Variants in DGCR8 observed in about 807,000 individuals in gnomAD.
DGCR8 encodes microprocessor complex subunit DGCR8.
DGCR8 carries 14 observed loss-of-function variants against 78.5 expected under a neutral mutation model. The observed-to-expected ratio is 0.18, with a 90% CI of 0.12 to 0.28. The LOEUF is 0.28. DGCR8 is among the 10% of genes least tolerant of loss of function. DGCR8 has a pLI of 1.00. For synonymous variants in DGCR8, 399 were observed against 402.4 expected (o/e 0.99, Z 0.10); for missense variants, 702 against 1,022.5 (o/e 0.69, Z 4.28).
intron 9 of DGCR8, among the ~76,000 whole-genome samples, chr22:20,098,558 C>A (rs1212057401): frequency 6.6e-6 from 1 of 152,124 alleles, no homozygotes; most frequent in African/African-American, 2.4e-5. Context: ...GTCATATGTC[C>A]TTGCTCTCTA....
In DGCR8 at chr22:20,086,326, C is replaced by T. The variant is rs755427841; in HGVS notation, c.363C>T (p.Ser121=). ...AGTTGCTTAAGGATGTAAAGATTAG[C>T]GTGAGCTTTACCGAGAGCTGCAGGA... ...DLKLLKDVKI[S]VSFTESCRSK... Residue 121 remains serine (S), a synonymous_variant, in exon 2 of 14, where the codon AGC becomes AGT. Transcript: ENST00000351989. This position sits in a 1 kb window ranked among gnomAD's most constrained non-coding sequence, Gnocchi z 6.4. The T allele has an allele frequency of 5.0e-6, 8 of 1,614,090 alleles. No individual in the cohort carries two copies. Among genetic ancestry groups the T allele is most frequent in the Non-Finnish European group, 6.8e-6 (8 of 1,180,020 alleles).
At chr22:20,103,724 G>A (rs1236564092) in intron 9 of DGCR8, among the ~76,000 whole-genome samples, 1 of 152,072 alleles carries the variant, frequency 6.6e-6, no homozygotes, top group Non-Finnish European at 1.5e-5. Flanking sequence ...ATATAGGATT[G>A]GTATCATTTC....
intron 13 of DGCR8, 50 bp from the exon 14 acceptor site, chr22:20,109,975 C>T: frequency 6.3e-7 from 1 of 1,585,824 alleles, no homozygotes; most frequent in East Asian, 2.2e-5. Context: ...CTTCCCGAGC[C>T]TCTGCCAAGC....
At chr22:20,094,926 C>A in intron 9 of DGCR8, 131 bp downstream of exon 9, 1 of 689,126 alleles carries the variant, frequency 1.5e-6, no homozygotes, top group Non-Finnish European at 2.5e-6. Flanking sequence ...TCTCATCCAG[C>A]CTCCAGGTTC....
At chr22:20,104,414 G>A (rs938621431) in intron 9 of DGCR8, among the ~76,000 whole-genome samples, 20 of 152,088 alleles carry the variant, frequency 1.3e-4, no homozygotes, top group Admixed American at 3.9e-4. Flanking sequence ...TGATCCACCC[G>A]CCTCGGCCTC....
chr22:20,099,795 G>A (rs1251193820), intron 9 of DGCR8, among the ~76,000 whole-genome samples: 3 of 152,176 alleles, frequency 2.0e-5, no homozygotes, highest in Non-Finnish European at 2.9e-5. Context: ...TTGTGGACTG[G>A]TGCTGTTATA....
At chr22:20,094,681 A>G in intron 8 of DGCR8, 32 bp from the exon 9 acceptor site, 1 of 1,595,964 alleles carries the variant, frequency 6.3e-7, no homozygotes, top group South Asian at 1.1e-5. Context: ...GGCAGTGCCC[A>G]AGCCTCACCC....
Position 20,087,878 on chromosome 22 carries a change from G to A in DGCR8, c.880+557G>A, listed in dbSNP as rs1168783061. On this transcript the variant is annotated intron_variant, in intron 3 of 13. Coordinates refer to ENST00000351989, the MANE Select transcript of DGCR8 (RefSeq NM_022720.7). This position sits in a 1 kb window ranked among gnomAD's most constrained non-coding sequence, Gnocchi z 4.1. Reference sequence around the variant, plus strand: ...TCAACTTTGAGTTGAGGGTAGTGGGGAGAGCACTTGAGAGGCGCCCAGAGT... The same window carrying A: ...TCAACTTTGAGTTGAGGGTAGTGGGAAGAGCACTTGAGAGGCGCCCAGAGT... Among the ~76,000 whole-genome samples, 1 of 152,210 alleles carries A rather than the reference G, an allele frequency of 6.6e-6. No individual in the cohort carries two copies. Among genetic ancestry groups the A allele is most frequent in the Admixed American group, 6.5e-5 (1 of 15,282 alleles).
Position 20,111,706 on chromosome 22 carries a change from G to GCCGCCCCCCCCC in DGCR8, c.*1600_*1601insGCCCCCCCCCCC, listed in dbSNP as rs2049850334. 1.6e-5 allele frequency: 1 copy of GCCGCCCCCCCCC among 63,028 alleles called. No individual in the cohort carries two copies. Among genetic ancestry groups the GCCGCCCCCCCCC allele is most frequent in the Non-Finnish European group, 3.0e-5 (1 of 33,564 alleles). 3.9% of individuals were successfully genotyped at this position (63,028 alleles called of 1,614,324 possible). On this transcript the variant is annotated 3_prime_UTR_variant, in exon 14 of 14. Coordinates refer to ENST00000351989, the MANE Select transcript of DGCR8 (RefSeq NM_022720.7). Reference sequence around the variant, plus strand: ...TGCCATACTCTTGTGGTCTCTGTGCGCCCCCCCCCCCCCCCCACCCGTCTG... The same window carrying GCCGCCCCCCCCC: ...TGCCATACTCTTGTGGTCTCTGTGCGCCGCCCCCCCCCCCCCCCCCCCCCCCCCACCCGTCTG...
Position 20,108,385 on chromosome 22 carries a change from G to A in DGCR8, c.2125-505G>A, listed in dbSNP as rs528522325. 1.9e-4 allele frequency: 30 copies of A among 153,972 alleles called. No individual in the cohort carries two copies. In the South Asian group the frequency reaches 4.1e-3, roughly 21 times the overall value. The allele number at this position is 153,972 out of a possible 1,614,324, so 9.5% of individuals were successfully genotyped here. ...TCCCAGCCAGGCACAGCCACAGCTTGGGGGAGCTCTGGCATCCCGAGGAAC... is the reference window on the plus strand; with the variant it reads ...TCCCAGCCAGGCACAGCCACAGCTTAGGGGAGCTCTGGCATCCCGAGGAAC... On this transcript the variant is annotated intron_variant, in intron 12 of 13. Coordinates refer to ENST00000351989, the MANE Select transcript of DGCR8 (RefSeq NM_022720.7).
chr22:20,101,877 G>T, intron 9 of DGCR8: 1 of 985,382 alleles, frequency 1.0e-6, no homozygotes, highest in Non-Finnish European at 1.2e-6. Context: ...CCGGAGGTGG[G>T]GTTGACATGT....
rs930032734 is a variant in DGCR8 at position 20,108,022 on chromosome 22, G to C, written c.2124+624G>C. On this transcript the variant is annotated intron_variant, in intron 12 of 13. Coordinates refer to ENST00000351989, the MANE Select transcript of DGCR8 (RefSeq NM_022720.7). ...AAGTAGTTGTGGAGGGGTTAGGCCT[G>C]CAGGTGGGGCAGCCCTAGGACTGTG... 1.9e-5 allele frequency: 3 copies of C among 155,522 alleles called. No individual in the cohort carries two copies. In the East Asian group the frequency reaches 5.7e-4, roughly 29 times the overall value. 9.6% of individuals were successfully genotyped at this position (155,522 alleles called of 1,614,324 possible). A position where few individuals can be genotyped will look rare whatever the true frequency, so the allele number is the denominator to read the frequency against.
rs1050689441 is a variant in DGCR8, at chr22:20,110,759, C to G, written c.*651C>G. 4 of 166,338 alleles carry G rather than the reference C, an allele frequency of 2.4e-5. No individual in the cohort carries two copies. Among genetic ancestry groups the G allele is most frequent in the African/African-American group, 9.5e-5 (4 of 42,060 alleles). 10.3% of individuals were successfully genotyped at this position (166,338 alleles called of 1,614,324 possible). ...GTCCCTCTCCAGTCTGGACACGATGCCAGCAAGGATGACGTCCTGCCACCT... is the reference window on the plus strand; with the variant it reads ...GTCCCTCTCCAGTCTGGACACGATGGCAGCAAGGATGACGTCCTGCCACCT... On this transcript the variant is annotated 3_prime_UTR_variant, in exon 14 of 14. Coordinates refer to ENST00000351989, the MANE Select transcript of DGCR8 (RefSeq NM_022720.7).
Position 20,080,356 on chromosome 22 carries a change from C to A in DGCR8, c.-305C>A. 1 of 980,226 alleles carries A rather than the reference C, an allele frequency of 1.0e-6. No homozygotes were observed. Among genetic ancestry groups the A allele is most frequent in the Non-Finnish European group, 1.2e-6 (1 of 827,970 alleles). The allele number at this position is 980,226 out of a possible 1,614,324, so 60.7% of individuals were successfully genotyped here. On this transcript the variant is annotated 5_prime_UTR_variant, in exon 1 of 14. Transcript: ENST00000351989. ...TTCCCGGCTGTGGTTTGGCTGCGGG[C>A]GGCTTGGGCAGCCCGCGGGCGCCTC...
At chr22:20,090,415 T>C (rs1362153733) in intron 5 of DGCR8, among the ~76,000 whole-genome samples, 157 bp downstream of exon 5, 2 of 152,234 alleles carry the variant, frequency 1.3e-5, no homozygotes, top group Non-Finnish European at 2.9e-5. Flanking sequence ...TGTCTTCCTG[T>C]CCTTGCAAGA....
At position 20,089,289 on chromosome 22, in the gene DGCR8, C is replaced by A. The variant is rs1334393463; in HGVS notation, c.881-380C>A. On this transcript the variant is annotated intron_variant, in intron 3 of 13. Coordinates refer to ENST00000351989, the MANE Select transcript of DGCR8 (RefSeq NM_022720.7). This position sits in a 1 kb window ranked among gnomAD's most constrained non-coding sequence, Gnocchi z 4.9. ...GTCACTGGGAGCAGTGGCTGACAGC[C>A]ATGCAGTTTATTAGCAAAGCTCATC... Among the ~76,000 whole-genome samples the A allele has an allele frequency of 1.3e-5, 2 of 152,228 alleles. No homozygotes were observed. The highest frequency in any genetic ancestry group is 4.8e-5 in the African/African-American group (2 of 41,454).
At chr22:20,091,747 T>C (rs979011158) in intron 6 of DGCR8, 115 bp downstream of exon 6, 2 of 1,498,926 alleles carry the variant, frequency 1.3e-6, no homozygotes, top group Non-Finnish European at 1.9e-6. Flanking sequence ...GTTTATCCCA[T>C]GAATGCAGGG....
chr22:20,101,434 C>T (rs1041246796), intron 9 of DGCR8: 31 of 680,064 alleles, frequency 4.6e-5, no homozygotes, highest in South Asian at 1.3e-4. Flanking sequence ...AAAAATTAGC[C>T]GGGCATGGTG....
At position 20,089,121 on chromosome 22, in the gene DGCR8, A is replaced by C. The variant is rs534880763; in HGVS notation, c.881-548A>C. Among the ~76,000 whole-genome samples the C allele has an allele frequency of 6.6e-6, 1 of 152,258 alleles. No homozygotes were observed. On this transcript the variant is annotated intron_variant, in intron 3 of 13. Transcript: ENST00000351989. The surrounding 1 kb of genome is among the most constrained non-coding windows in gnomAD (Gnocchi z 4.9). ...GGCAGGTGTCAAGTTGATAAGTCGT[A>C]AACCTCTTCCTCACAACTGCCTATA...
Sources: gnomAD v4.1 joint callset for allele counts (sites outside exome capture counted in the v4.1 genomes callset) on GRCh38, gnomAD v4.1.1 for gene constraint, Gnocchi (gnomAD v3.1) non-coding constraint, MANE v1.5 for transcripts, NCBI Gene and HGNC (gene_info 2026-07-23, HGNC 2026-07-21) for gene names.